The following VPS13C variants were observed in gnomAD, a reference collection of about 807,000 sequenced individuals.
The protein encoded by VPS13C is vacuolar protein sorting 13 homolog C, also known as intermembrane lipid transfer protein VPS13C.
VPS13C carries 358 observed loss-of-function variants against 456.8 expected under a neutral mutation model. The observed-to-expected ratio is 0.78, with a 90% confidence interval of 0.72 to 0.86. VPS13C has a LOEUF of 0.86. Among genes scored for constraint, VPS13C ranks in the 40% least tolerant of loss-of-function variants. The pLI, the probability that VPS13C is intolerant of heterozygous loss-of-function variation, is 0.00. For missense variants in VPS13C, 4,818 were observed against 4,385.4 expected (o/e 1.10, Z -2.79); for synonymous variants, 1,578 against 1,486.7 (o/e 1.06, Z -1.41).
At chr15:62,007,810 TAA>T (rs1164811336) in intron 14 of VPS13C, among the ~76,000 whole-genome samples, 3 of 152,164 alleles carry the variant, frequency 2.0e-5, no homozygotes, top group African/African-American at 7.2e-5. Flanking sequence ...TCTTGAATGT[TAA>T]GTTAAGAATT....
At chr15:61,925,597 A>G in intron 52 of VPS13C, 49 bp from the exon 53 acceptor site, 4 of 1,257,472 alleles carry the variant, frequency 3.2e-6, no homozygotes, top group Non-Finnish European at 4.3e-6. Flanking sequence ...CATTATATAC[A>G]TAACACACAC....
rs553312274 is a variant in VPS13C, at chr15:61,856,068, T to C, written c.11076+218A>G. On this transcript the variant is annotated intron_variant, in intron 83 of 84. Transcript: ENST00000644861. ...AAGAAAATATCAGCATATGAGAATC[T>C]TAATTATTTGGGTGGGTAGACTGAT... Among the ~76,000 whole-genome samples, 68 of 152,306 alleles carry C rather than the reference T, an allele frequency of 4.5e-4. 1 individual carries two copies. Among genetic ancestry groups the C allele is most frequent in the African/African-American group, 1.4e-3 (60 of 41,562 alleles).
At chr15:61,866,114 C>G in intron 81 of VPS13C, 1 of 984,732 alleles carries the variant, frequency 1.0e-6, no homozygotes, top group Non-Finnish European at 1.2e-6. Context: ...ATATTTTTAC[C>G]CAACTAACTG....
intron 38 of VPS13C, among the ~76,000 whole-genome samples, chr15:61,953,072 T>C (rs183616944): frequency 2.6e-5 from 4 of 152,004 alleles, no homozygotes; most frequent in Non-Finnish European, 4.4e-5. Context: ...ATAACCTCTA[T>C]AAAATTATTT....
At chr15:61,884,008 T>G (rs1896076562) in intron 68 of VPS13C, 120 bp downstream of exon 68, 1 of 840,422 alleles carries the variant, frequency 1.2e-6, no homozygotes, top group Admixed American at 3.5e-5. Context: ...AATAAAAGTT[T>G]ATCTACCAAT....
At chr15:61,896,265 G>GAAC (rs2042808453) in intron 66 of VPS13C, among the ~76,000 whole-genome samples, 1 of 152,186 alleles carries the variant, frequency 6.6e-6, no homozygotes, top group Admixed American at 6.5e-5. Context: ...GGCCGAATAG[G>GAAC]AACAGCTCCG....
intron 74 of VPS13C, 155 bp from the exon 75 acceptor site, chr15:61,877,209 T>C (rs1041277832): frequency 1.0e-5 from 5 of 494,832 alleles, no homozygotes; most frequent in African/African-American, 1.0e-4. Context: ...GTCTTAATAA[T>C]GGTTACTAAA....
intron 16 of VPS13C, among the ~76,000 whole-genome samples, chr15:61,997,590 T>A (rs913280764): frequency 6.6e-6 from 1 of 152,162 alleles, no homozygotes; most frequent in Non-Finnish European, 1.5e-5. Context: ...TTCTCTCCCA[T>A]CTTCCCCCTC....
At chr15:61,875,946 G>T in intron 75 of VPS13C, 101 bp from the exon 76 acceptor site, 1 of 816,320 alleles carries the variant, frequency 1.2e-6, no homozygotes. Flanking sequence ...TTAAGTTTGT[G>T]TTAAAAGAAA....
At position 61,969,413 on chromosome 15, in the gene VPS13C, T is replaced by C. The variant is rs146460562; in HGVS notation, c.2797A>G (p.Thr933Ala). ...EFTKQQKEED[T>A]ILVFNVTQLG... ...TGAGTAACATTAAATACTAGAATTG[T>C]ATCTTCTTCTTTCTGCTGTTTAGTA... The change falls in exon 28 of 85, where the codon ACA (threonine) becomes GCA (alanine). Residue 933 changes from threonine to alanine, a missense_variant. This residue lies in a region of VPS13C where 4,552 missense variants were observed against 4,130.6 expected (regional missense o/e 1.10). Transcript: ENST00000644861. 6,251 of 1,572,672 alleles carry C rather than the reference T, an allele frequency of 4.0e-3. 20 individuals are homozygous for C. The highest frequency in any genetic ancestry group is 4.8e-3 in the Non-Finnish European group (5,543 of 1,157,986).
intron 65 of VPS13C, 149 bp downstream of exon 65, chr15:61,908,842 CA>C: frequency 2.3e-6 from 2 of 855,850 alleles, no homozygotes. Context: ...AGTGTTATCT[CA>C]AAACATGTAA....
chr15:61,881,384 T>TAG (rs995894708), intron 71 of VPS13C, among the ~76,000 whole-genome samples, 179 bp downstream of exon 71: 41 of 152,294 alleles, frequency 2.7e-4, no homozygotes, highest in Middle Eastern at 3.4e-3. Context: ...TTAAAATATG[T>TAG]AGAGACTACT....
At chr15:62,033,395 TC>T (rs1336906686) in intron 5 of VPS13C, 45 bp downstream of exon 5, 2 of 1,266,346 alleles carry the variant, frequency 1.6e-6, no homozygotes, top group African/African-American at 3.1e-5. Flanking sequence ...ATTAATTATA[TC>T]TAAAATATAG....
chr15:61,944,650 G>A (rs2044545782), intron 45 of VPS13C, among the ~76,000 whole-genome samples: 1 of 152,058 alleles, frequency 6.6e-6, no homozygotes, highest in Non-Finnish European at 1.5e-5. Flanking sequence ...GGGAGGAAAG[G>A]GGGAAAAAGT....
In VPS13C at chr15:62,013,024, A is replaced by G. The variant is rs763016360; in HGVS notation, c.825+15T>C. ...GGGAGTGAAGTTAGCTCTTCCAAGT[A>G]TACATTAATATTACCAAAATCTGTT... On this transcript the variant is annotated intron_variant, in intron 11 of 84. Coordinates refer to ENST00000644861, the MANE Select transcript of VPS13C (RefSeq NM_020821.3). The G allele has an allele frequency of 6.2e-7, 1 of 1,600,412 alleles. No individual in the cohort carries two copies. Among genetic ancestry groups the G allele is most frequent in the Non-Finnish European group, 8.5e-7 (1 of 1,171,932 alleles).
Position 61,949,742 on chromosome 15 carries a change from A to G in VPS13C, c.4597-137T>C. 5.5e-6 allele frequency: 4 copies of G among 724,866 alleles called. No homozygotes were observed. The East Asian group carries it at 9.3e-5, about 17-fold the overall frequency. 44.9% of individuals were successfully genotyped at this position (724,866 alleles called of 1,614,324 possible). A position where few individuals can be genotyped will look rare whatever the true frequency, so the allele number is the denominator to read the frequency against. On this transcript the variant is annotated intron_variant, in intron 41 of 84. Coordinates refer to ENST00000644861, the MANE Select transcript of VPS13C (RefSeq NM_020821.3). ...ATTTTTATTTTTTTAAGAACTCACT[A>G]TTAACTCACTATTAAAATGTCAATC... is the stretch of plus-strand genomic sequence containing the variant.
intron 1 of VPS13C, among the ~76,000 whole-genome samples, chr15:62,059,341 G>A (rs900122001): frequency 2.6e-5 from 4 of 152,144 alleles, no homozygotes; most frequent in Non-Finnish European, 4.4e-5. Flanking sequence ...ATTAAAAGCA[G>A]ATCCATACAT....
At chr15:61,973,827 A>T (rs2045625869) in intron 25 of VPS13C, among the ~76,000 whole-genome samples, 1 of 152,150 alleles carries the variant, frequency 6.6e-6, no homozygotes. Context: ...GTCTATTACA[A>T]TATTAAAGTA....
intron 1 of VPS13C, among the ~76,000 whole-genome samples, chr15:62,050,452 A>G (rs958747250): frequency 6.6e-6 from 1 of 152,252 alleles, no homozygotes; most frequent in African/African-American, 2.4e-5. Flanking sequence ...ATACACTGCT[A>G]GAAAGTCACC....
Sources: allele counts gnomAD v4.1 joint callset (sites outside exome capture counted in the v4.1 genomes callset), GRCh38; gene constraint gnomAD v4.1.1; regional missense constraint gnomAD v4.1.1; transcripts MANE v1.5; gene names NCBI Gene and HGNC (gene_info 2026-07-23, HGNC 2026-07-21).